VDAC1: variants seen among roughly 807,000 people sequenced by gnomAD.
The protein encoded by VDAC1 is non-selective voltage-gated ion channel VDAC1.
In VDAC1, 10 loss-of-function variants were observed where a neutral mutation model predicts 34.7. That is an observed-to-expected ratio of 0.29 (90% CI 0.18 to 0.49). The LOEUF (loss-of-function observed/expected upper bound fraction) is 0.49. Among genes scored for constraint, VDAC1 ranks in the 20% least tolerant of loss-of-function variants. The pLI is 0.99. For missense variants in VDAC1, 230 were observed against 347.9 expected (o/e 0.66, Z 2.69); for synonymous variants, 130 against 136.0 (o/e 0.96, Z 0.30).
At chr5:134,042,943 A>G in the VDAC1 span, among the ~76,000 whole-genome samples, 4 of 152,332 alleles carry the variant, frequency 2.6e-5, no homozygotes, top group South Asian at 6.2e-4. Context: ...GGGGTTCCCC[A>G]TTGGCACTGA....
the VDAC1 span, among the ~76,000 whole-genome samples, chr5:134,111,656 TG>T: frequency 2.6e-4 from 39 of 152,198 alleles, no homozygotes; most frequent in African/African-American, 8.2e-4. Context: ...ATCCTGTTGA[TG>T]GCCCCCTTCA....
the VDAC1 span, among the ~76,000 whole-genome samples, chr5:134,056,876 G>T: frequency 6.6e-6 from 1 of 151,508 alleles, no homozygotes; most frequent in Non-Finnish European, 1.5e-5. Context: ...GTAGAGATGG[G>T]TTTCTCCATG....
At chr5:134,065,204 T>C in the VDAC1 span, among the ~76,000 whole-genome samples, 1 of 152,236 alleles carries the variant, frequency 6.6e-6, no homozygotes, top group East Asian at 1.9e-4. Context: ...AAAATTTATA[T>C]GATGTTTTAA....
chr5:133,982,473 C>A (rs1270045703), intron 5 of VDAC1, among the ~76,000 whole-genome samples: 1 of 149,084 alleles, frequency 6.7e-6, no homozygotes, highest in Non-Finnish European at 1.5e-5. Flanking sequence ...GATCGCGCCA[C>A]TGCACTCCAG....
chr5:133,975,203 G>A (rs1274900571), intron 7 of VDAC1, among the ~76,000 whole-genome samples: 1 of 152,108 alleles, frequency 6.6e-6, no homozygotes, highest in East Asian at 1.9e-4. Flanking sequence ...AGGAGGATGA[G>A]GCTGCAGTGA....
chr5:133,979,483 G>A (rs372120693), intron 6 of VDAC1, among the ~76,000 whole-genome samples: 121 of 128,354 alleles, frequency 9.4e-4, no homozygotes, highest in African/African-American at 3.3e-3. Context: ...AGGCTAGAGC[G>A]CAGTGGCGTG....
chr5:134,004,794 T>C (rs1210352927), intron 1 of VDAC1, 101 bp downstream of exon 1: 3 of 149,400 alleles, frequency 2.0e-5, no homozygotes. Flanking sequence ...CCGCCTCCCC[T>C]CCTGCGCGCC....
At chr5:134,051,852 T>A in the VDAC1 span, among the ~76,000 whole-genome samples, 1 of 151,954 alleles carries the variant, frequency 6.6e-6, no homozygotes, top group African/African-American at 2.4e-5. Flanking sequence ...GCACCTGTCA[T>A]CATGCCCAGC....
At chr5:134,106,724 A>G in the VDAC1 span, among the ~76,000 whole-genome samples, 1 of 152,164 alleles carries the variant, frequency 6.6e-6, no homozygotes, top group Non-Finnish European at 1.5e-5. Context: ...TATCTTACAG[A>G]TGATACCAAA....
chr5:134,056,931 C>T, the VDAC1 span, among the ~76,000 whole-genome samples: 70 of 152,240 alleles, frequency 4.6e-4, no homozygotes, highest in Middle Eastern at 3.4e-3. Flanking sequence ...TCCGCTCCCC[C>T]CTCTCCACCA....
At chr5:134,050,197 C>T in the VDAC1 span, among the ~76,000 whole-genome samples, 1 of 151,898 alleles carries the variant, frequency 6.6e-6, no homozygotes, top group Admixed American at 6.6e-5. Context: ...TGCAGTGAGC[C>T]GAGATCACGC....
At chr5:134,033,184 G>T in the VDAC1 span, among the ~76,000 whole-genome samples, 5 of 139,598 alleles carry the variant, frequency 3.6e-5, no homozygotes, top group African/African-American at 8.2e-5. Context: ...TTGAGACGGC[G>T]TCTGGCTCTG....
At chr5:134,103,454 A>AC in the VDAC1 span, among the ~76,000 whole-genome samples, 2 of 151,698 alleles carry the variant, frequency 1.3e-5, no homozygotes. Context: ...ACCAACTGAC[A>AC]CCGTTGTTTC....
chr5:134,060,941 G>T, the VDAC1 span, among the ~76,000 whole-genome samples: 3 of 131,550 alleles, frequency 2.3e-5, no homozygotes, highest in African/African-American at 9.0e-5. Flanking sequence ...GCAATGGTGC[G>T]ATCAGCTCAC....
the VDAC1 span, among the ~76,000 whole-genome samples, chr5:134,056,980 C>T: frequency 2.6e-5 from 4 of 152,192 alleles, no homozygotes; most frequent in Non-Finnish European, 5.9e-5. Context: ...TGAGCCACCA[C>T]GCCCGGCCCA....
At position 133,980,634 on chromosome 5, in the gene VDAC1, T is replaced by TAAAA. The variant is rs55708320; in HGVS notation, c.551+91_551+94dup. On this transcript the variant is annotated intron_variant, in intron 6 of 8. Coordinates refer to ENST00000265333, the MANE Select transcript of VDAC1 (RefSeq NM_003374.3). ...ACAGTGGTTAAAAACTGGGCTTTCT[T>TAAAA]AAAAAAAAAAAAAAAAAAACAGTGA... 6.3e-3 allele frequency: 3,710 copies of TAAAA among 584,580 alleles called. 5 individuals carry two copies. The highest frequency in any genetic ancestry group is 0.036 in the East Asian group (709 of 19,502). The allele number at this position is 584,580 out of a possible 1,614,324, so 36.2% of individuals were successfully genotyped here. A position where few individuals can be genotyped will look rare whatever the true frequency, so the allele number is the denominator to read the frequency against.
At chr5:133,999,265 T>C (rs1411051964) in intron 1 of VDAC1, among the ~76,000 whole-genome samples, 1 of 152,208 alleles carries the variant, frequency 6.6e-6, no homozygotes. Context: ...AGGGTGGCCA[T>C]GGGTCTCCAA....
chr5:134,000,097 G>A (rs536859021), intron 1 of VDAC1, among the ~76,000 whole-genome samples: 22 of 152,146 alleles, frequency 1.4e-4, no homozygotes, highest in African/African-American at 4.6e-4. Context: ...TCAGCAGCTC[G>A]CTCACACACA....
chr5:134,017,338 T>A, the VDAC1 span, among the ~76,000 whole-genome samples: 3 of 152,132 alleles, frequency 2.0e-5, no homozygotes, highest in East Asian at 5.9e-4. Flanking sequence ...TAGTGGCACA[T>A]GCCTGTAATC....
Sources: gnomAD v4.1 joint callset for allele counts (sites outside exome capture counted in the v4.1 genomes callset) on GRCh38, gnomAD v4.1.1 for gene constraint, MANE v1.5 for transcripts, NCBI Gene and HGNC (gene_info 2026-07-23, HGNC 2026-07-21) for gene names.